The following GPI variants were observed in gnomAD, a reference collection of about 807,000 sequenced individuals.
GPI encodes glucose-6-phosphate isomerase, also known as D-hexose-6-phosphate anomerase.
In GPI, 56 loss-of-function variants were observed where a neutral mutation model predicts 75.8. The ratio of observed to expected loss-of-function variants is 0.74; its 90% CI spans 0.60 to 0.92. GPI has a LOEUF of 0.92. Ranked by LOEUF, GPI falls within the 40% of genes least tolerant of loss-of-function variation. The probability of loss-of-function intolerance (pLI) is 0.00; values close to 1 mark genes in which losing one functional copy is unlikely to be tolerated. For missense variants in GPI, 638 were observed against 741.0 expected, an observed-to-expected ratio of 0.86 and a Z score of 1.61; for synonymous variants, 288 against 285.4, an observed-to-expected ratio of 1.01 and a Z score of -0.09.
At chr19:34,368,200 C>T (rs1395587747) in intron 3 of GPI, among the ~76,000 whole-genome samples, 1 of 152,250 alleles carries the variant, frequency 6.6e-6, no homozygotes, top group Non-Finnish European at 1.5e-5. Context: ...GGATTACAGG[C>T]GTGAGCCATG....
At chr19:34,382,855 G>A (rs2145379765) in intron 9 of GPI, among the ~76,000 whole-genome samples, 1 of 152,300 alleles carries the variant, frequency 6.6e-6, no homozygotes, top group East Asian at 1.9e-4. Flanking sequence ...CTAAGTGGAG[G>A]CCTCCTGGGC....
At chr19:34,392,159 G>GGTA (rs1200852866) in intron 9 of GPI, 8 of 49,264 alleles carry the variant, frequency 1.6e-4, no homozygotes, top group African/African-American at 2.4e-4. Flanking sequence ...TCTGGCCCTA[G>GGTA]TAAGAAGATC....
Position 34,366,767 on chromosome 19 carries a change from T to C in GPI, c.214-16T>C. ...CAGTGTGGGTGGGACCAGGCCTCAGTATCGTCTCTTCCTAGGCCAAGTCCA... is the reference window on the plus strand; with the variant it reads ...CAGTGTGGGTGGGACCAGGCCTCAGCATCGTCTCTTCCTAGGCCAAGTCCA... On this transcript the variant is annotated splice_polypyrimidine_tract_variant and intron_variant, in intron 2 of 17. Transcript: ENST00000356487. 1 of 1,603,736 alleles carries C rather than the reference T, an allele frequency of 6.2e-7. No homozygotes were observed. Among genetic ancestry groups the C allele is most frequent in the Non-Finnish European group, 8.5e-7 (1 of 1,171,858 alleles).
At chr19:34,360,603 A>G (rs943135372), upstream of GPI, among the ~76,000 whole-genome samples, 1 of 152,070 alleles carries the variant, frequency 6.6e-6, no homozygotes, top group African/African-American at 2.4e-5. Flanking sequence ...GTTTCAACTA[A>G]TAAGACATAA....
At position 34,368,597 on chromosome 19, in the gene GPI, G is replaced by C; in HGVS notation, c.297G>C (p.Leu99=). The C allele has an allele frequency of 1.2e-6, 2 of 1,614,162 alleles. No individual in the cohort carries two copies. Among genetic ancestry groups the C allele is most frequent in the Non-Finnish European group, 1.7e-6 (2 of 1,179,988 alleles). The change falls in exon 4 of 18, where the codon CTG becomes CTC. Residue 99 remains leucine (L), a synonymous_variant. Coordinates refer to ENST00000356487, the MANE Select transcript of GPI (RefSeq NM_000175.5). The part of the protein sequence containing the change: ...KINYTEGRAV[L]HVALRNRSNT... ...GTAATCCCCAGGGTCGAGCCGTGCT[G>C]CACGTGGCTCTGCGGAACCGGTCAA...
In GPI at chr19:34,400,048, T is replaced by C; in HGVS notation, c.*12T>C. Reference sequence around the variant, plus strand: ...CCAGAGTCCAATAAACTCGTGCTCATCTGCAGCCTCCTCTGTGACTCCCCT... The same window carrying C: ...CCAGAGTCCAATAAACTCGTGCTCACCTGCAGCCTCCTCTGTGACTCCCCT... On this transcript the variant is annotated 3_prime_UTR_variant, in exon 18 of 18. Coordinates refer to ENST00000356487, the MANE Select transcript of GPI (RefSeq NM_000175.5). 6.2e-7 allele frequency: 1 copy of C among 1,608,868 alleles called. No individual in the cohort carries two copies.
intron 14 of GPI, chr19:34,398,018 C>G (rs1049973551): frequency 2.0e-5 from 3 of 151,622 alleles, no homozygotes; most frequent in African/African-American, 7.3e-5. Context: ...TCCTGAGTAG[C>G]TGGGACCACA....
At position 34,377,628 on chromosome 19, in the gene GPI, A is replaced by G. The variant is rs190517481; in HGVS notation, c.486+42A>G. On this transcript the variant is annotated intron_variant, in intron 5 of 17. Coordinates refer to ENST00000356487, the MANE Select transcript of GPI (RefSeq NM_000175.5). ...CTTGGGGTAGGGTGGGAGTCTGGGC[A>G]CTGTTGGTCCCACTCAGGTCTTTAC... The G allele has an allele frequency of 2.0e-4, 309 of 1,580,040 alleles. No homozygotes were observed. In the African/African-American group the frequency reaches 3.1e-3, roughly 16 times the overall value.
chr19:34,391,584 G>C, intron 9 of GPI, among the ~76,000 whole-genome samples: 1 of 436 alleles, frequency 2.3e-3, no homozygotes, highest in Non-Finnish European at 5.3e-3. Flanking sequence ...GTCTGTCCAT[G>C]TCTGAGCAGG....
upstream of GPI, among the ~76,000 whole-genome samples, chr19:34,363,743 C>T (rs916253133): frequency 1.3e-5 from 2 of 152,134 alleles, no homozygotes; most frequent in South Asian, 4.1e-4. Flanking sequence ...TCGCTTGAAC[C>T]AGGGAGGTGG....
At chr19:34,372,196 C>T (rs1461450615) in intron 4 of GPI, among the ~76,000 whole-genome samples, 3 of 151,904 alleles carry the variant, frequency 2.0e-5, no homozygotes, top group African/African-American at 7.3e-5. Flanking sequence ...CTCCCAGAGT[C>T]CTGGGATTAC....
rs75824732 is a variant in GPI, at chr19:34,370,792, T to G, written c.402+2090T>G. On this transcript the variant is annotated intron_variant, in intron 4 of 17. Coordinates refer to ENST00000356487, the MANE Select transcript of GPI (RefSeq NM_000175.5). ...AAATAAATAAATCAGCTAGGTGTGG[T>G]GGTGTATCCCAGCTACTTGGGAGGC... Among the ~76,000 whole-genome samples, 644 of 149,522 alleles carry G rather than the reference T, an allele frequency of 4.3e-3. 7 individuals are homozygous for G. The highest frequency in any genetic ancestry group is 0.015 in the African/African-American group (624 of 40,638).
At chr19:34,387,931 A>G (rs1386611788) in intron 9 of GPI, among the ~76,000 whole-genome samples, 1 of 152,158 alleles carries the variant, frequency 6.6e-6, no homozygotes, top group Non-Finnish European at 1.5e-5. Flanking sequence ...AGACACAATT[A>G]GGTGAGTAGT....
chr19:34,365,095 C>T (rs1442122292), upstream of GPI: 2 of 1,204,728 alleles, frequency 1.7e-6, no homozygotes, highest in East Asian at 7.1e-5. Flanking sequence ...GCCTGGGTAT[C>T]GGGGCGCGGG....
At chr19:34,398,310 G>C (rs931483296) in intron 14 of GPI, 3 of 152,144 alleles carry the variant, frequency 2.0e-5, no homozygotes, top group African/African-American at 7.2e-5. Flanking sequence ...CTTTGTCTCA[G>C]GTGTGCAGAG....
intron 3 of GPI, chr19:34,367,228 C>A: frequency 2.8e-6 from 1 of 361,630 alleles, no homozygotes; most frequent in Non-Finnish European, 5.4e-6. Context: ...CAGTAGGAGT[C>A]AATAGGAAGC....
At chr19:34,374,803 C>A (rs1282553130) in intron 4 of GPI, among the ~76,000 whole-genome samples, 3 of 150,114 alleles carry the variant, frequency 2.0e-5, no homozygotes, top group Admixed American at 6.7e-5. Flanking sequence ...AGTCACTGCT[C>A]ACTGCAGCCT....
intron 9 of GPI, 138 bp downstream of exon 9, chr19:34,381,657 CAGAG>C: frequency 2.6e-6 from 2 of 775,910 alleles, no homozygotes; most frequent in East Asian, 4.9e-5. Context: ...GAGAGGCCCT[CAGAG>C]AGGCTTGGAG....
In GPI at chr19:34,393,875, G is replaced by A; in HGVS notation, c.910-39G>A. On this transcript the variant is annotated intron_variant, in intron 11 of 17. Transcript: ENST00000356487. This position sits in a 1 kb window ranked among gnomAD's most constrained non-coding sequence, Gnocchi z 4.4. Reference sequence around the variant, plus strand: ...ACTGTCCTGTCCCTCCCCTCCCCGTGCAGCTGCTCAGCTCCCACTCATCCT... The same window carrying A: ...ACTGTCCTGTCCCTCCCCTCCCCGTACAGCTGCTCAGCTCCCACTCATCCT... The A allele has an allele frequency of 1.2e-6, 2 of 1,611,978 alleles. No homozygotes were observed. The highest frequency in any genetic ancestry group is 8.5e-7 in the Non-Finnish European group (1 of 1,179,028).
Sources: allele counts gnomAD v4.1 joint callset (sites outside exome capture counted in the v4.1 genomes callset), GRCh38; gene constraint gnomAD v4.1.1; non-coding constraint Gnocchi (gnomAD v3.1); transcripts MANE v1.5; gene names NCBI Gene and HGNC (gene_info 2026-07-23, HGNC 2026-07-21).